Variants in MCF2L observed in about 807,000 individuals in gnomAD.
MCF2L encodes the protein guanine nucleotide exchange factor DBS.
In MCF2L, 97 loss-of-function variants were observed where a neutral mutation model predicts 153.4. That is an observed-to-expected ratio of 0.63 (90% confidence interval 0.54 to 0.75). MCF2L has a LOEUF of 0.75. Among genes scored for constraint, MCF2L ranks in the 30% least tolerant of loss-of-function variants. The pLI is 0.00. For synonymous variants in MCF2L, 659 were observed against 632.2 expected, an observed-to-expected ratio of 1.04 and a Z score of -0.64; for missense variants, 1,347 against 1,495.2, an observed-to-expected ratio of 0.90 and a Z score of 1.64.
At chr13:112,955,705 C>T (rs1216476540) in intron 2 of MCF2L, among the ~76,000 whole-genome samples, 1 of 152,154 alleles carries the variant, frequency 6.6e-6, no homozygotes, top group African/African-American at 2.4e-5. Flanking sequence ...GTTTCCATTC[C>T]CCAAAAGAGC....
intron 22 of MCF2L, 90 bp from the exon 23 acceptor site, chr13:113,087,616 TC>T: frequency 8.2e-7 from 1 of 1,225,994 alleles, no homozygotes; most frequent in Middle Eastern, 1.9e-4. Flanking sequence ...CCAAAGTATT[TC>T]CATCATTTCG....
At position 113,096,562 on chromosome 13, in the gene MCF2L, C is replaced by T; in HGVS notation, c.3201C>T (p.Asp1067=). ...TCGCCCCTTGCAGGTACGTCAGGGA[C>T]CCGACCACTGGCAAGGAGGGCTGGG... ...EGDEGLWYVR[D]PTTGKEGWVP... The change falls in exon 29 of 30, where the codon GAC becomes GAT. Residue 1067 remains aspartate (D), a synonymous_variant. Coordinates refer to ENST00000535094, the MANE Select transcript of MCF2L (RefSeq NM_001112732.3). The T allele has an allele frequency of 1.9e-6, 3 of 1,604,776 alleles. No individual in the cohort carries two copies. The highest frequency in any genetic ancestry group is 2.5e-6 in the Non-Finnish European group (3 of 1,178,046).
chr13:112,919,975 C>T (rs1002164472), intron 2 of MCF2L, among the ~76,000 whole-genome samples: 13 of 152,246 alleles, frequency 8.5e-5, no homozygotes, highest in South Asian at 8.3e-4. Flanking sequence ...CTTATGGTAG[C>T]GAGGCACCCC....
chr13:112,897,353 C>T (rs1594290356), intron 1 of MCF2L, among the ~76,000 whole-genome samples: 1 of 152,226 alleles, frequency 6.6e-6, no homozygotes, highest in South Asian at 2.1e-4. Context: ...CTCAGTTGAG[C>T]ATCAGGGCTG....
rs559169258 is a variant in MCF2L at position 113,027,632 on chromosome 13, G to T, written c.278+2874G>T. The stretch of plus-strand genomic sequence containing the variant: ...GGAGGGGCTGGGTCTCGGGCCGAGC[G>T]GCCGAGCTCCCTGAGGGGCTGATGG... On this transcript the variant is annotated intron_variant, in intron 3 of 29. Transcript: ENST00000535094. The surrounding 1 kb of genome is among the most constrained non-coding windows in gnomAD (Gnocchi z 4.8). Among the ~76,000 whole-genome samples the T allele has an allele frequency of 2.4e-4, 36 of 152,294 alleles. No individual in the cohort carries two copies. The highest frequency in any genetic ancestry group is 8.7e-4 in the African/African-American group (36 of 41,576).
At chr13:112,970,946 C>T (rs1166653930) in intron 1 of MCF2L, among the ~76,000 whole-genome samples, 1 of 152,162 alleles carries the variant, frequency 6.6e-6, no homozygotes. Flanking sequence ...TTGCATGCTT[C>T]ACCAGGACTT....
intron 4 of MCF2L, among the ~76,000 whole-genome samples, 192 bp from the exon 5 acceptor site, chr13:113,060,401 C>G (rs2031186642): frequency 6.6e-6 from 1 of 152,202 alleles, no homozygotes; most frequent in Admixed American, 6.5e-5. Flanking sequence ...TTCCTCTTTT[C>G]TTTTAGAAAA....
intron 1 of MCF2L, among the ~76,000 whole-genome samples, chr13:113,003,665 C>G (rs1326605011): frequency 1.3e-5 from 2 of 152,202 alleles, no homozygotes; most frequent in Non-Finnish European, 2.9e-5. Context: ...CCTGACGGTT[C>G]CGTGATCAGA....
intron 18 of MCF2L, chr13:113,084,603 C>A: frequency 2.1e-6 from 1 of 484,678 alleles, no homozygotes; most frequent in Non-Finnish European, 3.7e-6. Context: ...AAATGGCCTT[C>A]TAAGAATGGC....
At chr13:112,936,341 G>A (rs1383174963) in intron 2 of MCF2L, among the ~76,000 whole-genome samples, 1 of 148,350 alleles carries the variant, frequency 6.7e-6, no homozygotes, top group African/African-American at 2.5e-5. Context: ...TGGACTTCCA[G>A]CCTCCAGAGC....
chr13:113,047,974 C>T (rs2086936679), intron 4 of MCF2L, among the ~76,000 whole-genome samples: 1 of 152,280 alleles, frequency 6.6e-6, no homozygotes, highest in Admixed American at 6.5e-5. Context: ...ACGTGTGTGT[C>T]TCAGATTAAT....
At chr13:112,944,258 AG>A (rs1373358123) in intron 2 of MCF2L, among the ~76,000 whole-genome samples, 2 of 151,714 alleles carry the variant, frequency 1.3e-5, no homozygotes, top group Non-Finnish European at 2.9e-5. Context: ...CCATGAAGGG[AG>A]GGTCCCGGGT....
In MCF2L at chr13:113,087,465, G is replaced by A. The variant is rs778073341; in HGVS notation, c.2595+9G>A. ...ACAAGCAGTCCTTAAACGTAAGTGA[G>A]GCCGGGTCTGCAGCAGCACGCTCCT... On this transcript the variant is annotated intron_variant, in intron 22 of 29. Coordinates refer to ENST00000535094, the MANE Select transcript of MCF2L (RefSeq NM_001112732.3). The A allele has an allele frequency of 3.1e-6, 5 of 1,589,198 alleles. No homozygotes were observed. The South Asian group carries it at 3.4e-5, about 11-fold the overall frequency.
intron 2 of MCF2L, among the ~76,000 whole-genome samples, chr13:112,930,619 A>T (rs1046932473): frequency 1.3e-5 from 2 of 152,226 alleles, no homozygotes; most frequent in Non-Finnish European, 2.9e-5. Flanking sequence ...ACCCATACAG[A>T]TGCACAGCAC....
At chr13:113,060,833 C>A (rs957631313) in intron 5 of MCF2L, 121 bp downstream of exon 5, 2 of 1,372,468 alleles carry the variant, frequency 1.5e-6, no homozygotes, top group Non-Finnish European at 2.0e-6. Context: ...AACAAAACCC[C>A]GCAGGACCTG....
At chr13:112,909,604 T>C (rs982078531) in intron 2 of MCF2L, 6 of 354,444 alleles carry the variant, frequency 1.7e-5, no homozygotes, top group African/African-American at 4.0e-5. Flanking sequence ...CTTTGAAGGA[T>C]CTGATGGAAA....
intron 2 of MCF2L, among the ~76,000 whole-genome samples, chr13:112,916,238 G>A (rs909339107): frequency 1.9e-4 from 28 of 148,522 alleles, no homozygotes; most frequent in Admixed American, 1.6e-3. Flanking sequence ...CCTATTTTAA[G>A]TATTTGTCCC....
intron 27 of MCF2L, chr13:113,095,550 G>A: frequency 9.8e-7 from 1 of 1,019,276 alleles, no homozygotes; most frequent in Middle Eastern, 4.9e-4. Context: ...ACAGAGGCAG[G>A]AGCCAGTACA....
chr13:113,031,232 A>T lies in MCF2L; in HGVS notation c.278+6474A>T, dbSNP rs1328696791. Among the ~76,000 whole-genome samples the T allele has an allele frequency of 1.5e-5, 2 of 134,920 alleles. No homozygotes were observed. Among genetic ancestry groups the T allele is most frequent in the East Asian group, 7.2e-4 (2 of 2,762 alleles). 88.5% of individuals were successfully genotyped at this position (134,920 alleles called of 152,430 possible). Reference sequence around the variant, plus strand: ...GAGACAGAGACAGAGAGAGACAGAGAGAAGAGACAGAGAGTGACAGAGATA... The same window carrying T: ...GAGACAGAGACAGAGAGAGACAGAGTGAAGAGACAGAGAGTGACAGAGATA... On this transcript the variant is annotated intron_variant, in intron 3 of 29. Transcript: ENST00000535094. This position sits in a 1 kb window ranked among gnomAD's most constrained non-coding sequence, Gnocchi z 5.5.
Sources: gnomAD v4.1 joint callset for allele counts (sites outside exome capture counted in the v4.1 genomes callset) on GRCh38, gnomAD v4.1.1 for gene constraint, Gnocchi (gnomAD v3.1) non-coding constraint, MANE v1.5 for transcripts, NCBI Gene and HGNC (gene_info 2026-07-23, HGNC 2026-07-21) for gene names.